Variants in PRDM1 observed in about 807,000 individuals in gnomAD.
PRDM1 encodes PR/SET domain 1.
Under a neutral mutation model 62.8 loss-of-function variants are expected in PRDM1, and 13 were observed. The observed-to-expected ratio is 0.21, with a 90% CI of 0.13 to 0.33. The LOEUF (loss-of-function observed/expected upper bound fraction) is 0.33. PRDM1 is among the 10% of genes least tolerant of loss of function. PRDM1 has a pLI of 1.00. For missense variants in PRDM1, 895 were observed against 1,058.8 expected (o/e 0.85, Z 2.15); for synonymous variants, 396 against 417.6 (o/e 0.95, Z 0.63).
chr6:106,034,015 T>C (rs1174822876), intron 1 of PRDM1, among the ~76,000 whole-genome samples: 1 of 152,192 alleles, frequency 6.6e-6, no homozygotes, highest in Non-Finnish European at 1.5e-5. Flanking sequence ...GTCTATCTTA[T>C]CTAGTTTATC....
At chr6:106,104,707 G>A in intron 4 of PRDM1, 118 bp from the exon 5 acceptor site, 1 of 1,271,190 alleles carries the variant, frequency 7.9e-7, no homozygotes, top group Non-Finnish European at 1.1e-6. Context: ...AGCCAGATAT[G>A]TGGCGATTGT....
Position 106,106,074 on chromosome 6 carries a change from C to T in PRDM1, c.1773+141C>T. The T allele has an allele frequency of 7.7e-7, 1 of 1,301,720 alleles. No homozygotes were observed. Among genetic ancestry groups the T allele is most frequent in the South Asian group, 1.6e-5 (1 of 62,352 alleles). The allele number at this position is 1,301,720 out of a possible 1,614,324, so 80.6% of individuals were successfully genotyped here. A position where few individuals can be genotyped will look rare whatever the true frequency, so the allele number is the denominator to read the frequency against. ...GATAGTGGGTATGGATTCCGCCTGG[C>T]TTTTGCCACTTCTAGCTCTTTGACT... On this transcript the variant is annotated intron_variant, in intron 5 of 6. Transcript: ENST00000369096. This position sits in a 1 kb window ranked among gnomAD's most constrained non-coding sequence, Gnocchi z 4.4.
intron 1 of PRDM1, among the ~76,000 whole-genome samples, chr6:106,015,863 A>G (rs866689695): frequency 6.6e-6 from 1 of 152,054 alleles, no homozygotes; most frequent in African/African-American, 2.4e-5. Context: ...CATTTTAACC[A>G]TCTTCAAGTA....
Position 106,058,305 on chromosome 6 carries a change from G to A in PRDM1, c.-67+9591G>A, listed in dbSNP as rs537676769. Among the ~76,000 whole-genome samples the A allele has an allele frequency of 3.5e-4, 54 of 152,252 alleles. 1 individual carries two copies. In the East Asian group the frequency reaches 5.6e-3, roughly 16 times the overall value. On this transcript the variant is annotated intron_variant, in intron 1 of 6. Transcript: ENST00000651185. ...CCAAGTTGCAGACAACTTCTCACTT[G>A]TTGTATCCTCATGTGGATACAATCA...
At chr6:106,069,448 C>G (rs1773478982) in intron 1 of PRDM1, among the ~76,000 whole-genome samples, 1 of 152,118 alleles carries the variant, frequency 6.6e-6, no homozygotes, top group Admixed American at 6.5e-5. Flanking sequence ...GATATATGGG[C>G]TTTTTCCTTT....
chr6:106,061,344 C>T (rs1773341914), intron 1 of PRDM1, among the ~76,000 whole-genome samples: 2 of 139,482 alleles, frequency 1.4e-5, no homozygotes, highest in Non-Finnish European at 3.1e-5. Flanking sequence ...CTGATCCGGA[C>T]TGAGTGCCTT....
intron 1 of PRDM1, among the ~76,000 whole-genome samples, chr6:106,087,299 A>G (rs896287363): frequency 6.6e-6 from 1 of 152,252 alleles, no homozygotes; most frequent in Admixed American, 6.5e-5. Context: ...AACTTTAGTT[A>G]CAGTAAACTG....
chr6:106,070,138 T>A (rs1773487532), intron 1 of PRDM1, among the ~76,000 whole-genome samples: 1 of 152,210 alleles, frequency 6.6e-6, no homozygotes, highest in Admixed American at 6.5e-5. Flanking sequence ...CTAGTGGGTT[T>A]GTGTCAGATG....
chr6:106,001,128 G>T (rs1044702208), intron 1 of PRDM1, among the ~76,000 whole-genome samples: 2 of 152,230 alleles, frequency 1.3e-5, no homozygotes, highest in East Asian at 3.9e-4. Flanking sequence ...ATGTTTTCCT[G>T]ACCTAGTGAA....
At chr6:106,087,249 G>A (rs1403467944) in intron 1 of PRDM1, among the ~76,000 whole-genome samples, 1 of 152,110 alleles carries the variant, frequency 6.6e-6, no homozygotes, top group Non-Finnish European at 1.5e-5. Flanking sequence ...ATGTACAAGT[G>A]GAAGCAGAGC....
At chr6:105,997,682 G>A (rs1446140095) in intron 1 of PRDM1, among the ~76,000 whole-genome samples, 1 of 152,100 alleles carries the variant, frequency 6.6e-6, no homozygotes, top group East Asian at 1.9e-4. Context: ...CATAAAGCTC[G>A]TATTCTCCAT....
In PRDM1 at chr6:105,999,958, A is replaced by G. The variant is rs561473580; in HGVS notation, c.-67+6319A>G. Among the ~76,000 whole-genome samples, 229 of 152,134 alleles carry G rather than the reference A, an allele frequency of 1.5e-3. 1 individual carries two copies. Among genetic ancestry groups the G allele is most frequent in the Admixed American group, 8.3e-3 (127 of 15,272 alleles). On this transcript the variant is annotated intron_variant, in intron 1 of 6. Coordinates refer to the PRDM1 transcript ENST00000652320. ...AAGCTCCGCCTCCTGGGTTCACGCCATTCTCCTCAGCCTCCCAAGTAGCTG... is the reference window on the plus strand; with the variant it reads ...AAGCTCCGCCTCCTGGGTTCACGCCGTTCTCCTCAGCCTCCCAAGTAGCTG...
intron 1 of PRDM1, among the ~76,000 whole-genome samples, chr6:106,035,357 C>T (rs1415860960): frequency 2.6e-5 from 4 of 152,156 alleles, no homozygotes; most frequent in Non-Finnish European, 2.9e-5. Context: ...TGTGGTGACT[C>T]ATGCCTGTAA....
chr6:106,062,940 A>G (rs1773367789), intron 1 of PRDM1, among the ~76,000 whole-genome samples: 1 of 152,196 alleles, frequency 6.6e-6, no homozygotes, highest in Admixed American at 6.5e-5. Context: ...AAACGCCTAA[A>G]TGAAGATAGA....
At chr6:106,025,637 A>G (rs1053101875) in intron 1 of PRDM1, among the ~76,000 whole-genome samples, 1 of 152,220 alleles carries the variant, frequency 6.6e-6, no homozygotes, top group African/African-American at 2.4e-5. Context: ...GAGGAGGGAT[A>G]TATGCAAGAG....
chr6:106,024,309 A>G (rs947585803), intron 1 of PRDM1, among the ~76,000 whole-genome samples: 2 of 152,218 alleles, frequency 1.3e-5, no homozygotes, highest in African/African-American at 4.8e-5. Flanking sequence ...GTTTTCTTCA[A>G]CATTTCGAGA....
At chr6:106,018,198 T>C (rs1487739117) in intron 1 of PRDM1, among the ~76,000 whole-genome samples, 1 of 152,174 alleles carries the variant, frequency 6.6e-6, no homozygotes, top group East Asian at 1.9e-4. Context: ...GAATCAAAGA[T>C]ATTTGATATG....
At position 106,105,477 on chromosome 6, in the gene PRDM1, C is replaced by T; in HGVS notation, c.1317C>T (p.Leu439=). 3.1e-6 allele frequency: 5 copies of T among 1,614,138 alleles called. No homozygotes were observed. The highest frequency in any genetic ancestry group is 4.2e-6 in the Non-Finnish European group (5 of 1,180,034). Residue 439 remains leucine, a synonymous_variant, in exon 5 of 7, where the codon CTC becomes CTT. Transcript: ENST00000369096. ...SSMNGINNFG[L]FPRLCPVYSN... Reference sequence around the variant, plus strand: ...TGAATGGCATCAACAACTTTGGCCTCTTCCCGAGGCTGTGCCCTGTCTACA... The same window carrying T: ...TGAATGGCATCAACAACTTTGGCCTTTTCCCGAGGCTGTGCCCTGTCTACA...
intron 1 of PRDM1, among the ~76,000 whole-genome samples, chr6:106,048,758 T>C (rs1773120557): frequency 6.6e-6 from 1 of 152,212 alleles, no homozygotes; most frequent in South Asian, 2.1e-4. Context: ...TTTGTCCTGC[T>C]TCAGATTTAA....
Sources: allele counts gnomAD v4.1 joint callset (sites outside exome capture counted in the v4.1 genomes callset), GRCh38; gene constraint gnomAD v4.1.1; non-coding constraint Gnocchi (gnomAD v3.1); transcripts MANE v1.5; gene names NCBI Gene and HGNC (gene_info 2026-07-23, HGNC 2026-07-21).